BICRAL: variants seen among roughly 807,000 people sequenced by gnomAD.
BICRAL encodes BICRA like chromatin remodeling complex associated protein.
A neutral mutation model predicts 91.8 loss-of-function variants in BICRAL; 8 were observed. The ratio of observed to expected loss-of-function variants is 0.09; its 90% CI spans 0.05 to 0.16. BICRAL has a LOEUF of 0.16. BICRAL is among the 10% of genes least tolerant of loss of function. The pLI is 1.00. For missense variants in BICRAL, 1,038 were observed against 1,310.9 expected, an observed-to-expected ratio of 0.79 and a Z score of 3.21; for synonymous variants, 445 against 491.1, an observed-to-expected ratio of 0.91 and a Z score of 1.24.
chr6:42,749,176 A>G (rs1426208562), intron 1 of BICRAL, among the ~76,000 whole-genome samples: 1 of 152,164 alleles, frequency 6.6e-6, no homozygotes, highest in Non-Finnish European at 1.5e-5. Flanking sequence ...ACTTTTTGAA[A>G]ATTTCCAACA....
chr6:42,782,361 T>TGG (rs1762938771), intron 1 of BICRAL, among the ~76,000 whole-genome samples: 7 of 23,074 alleles, frequency 3.0e-4, no homozygotes, highest in Admixed American at 1.7e-3. Flanking sequence ...GGTGGGTTTG[T>TGG]GGGTGGGTGA....
chr6:42,819,971 G>A (rs1764096387), intron 2 of BICRAL, among the ~76,000 whole-genome samples: 1 of 152,162 alleles, frequency 6.6e-6, no homozygotes, highest in Admixed American at 6.6e-5. Context: ...TGGTAGAGAA[G>A]GTTGCACAAT....
chr6:42,787,320 AATACTT>A (rs1171340605), intron 1 of BICRAL, among the ~76,000 whole-genome samples: 1 of 152,100 alleles, frequency 6.6e-6, no homozygotes, highest in Admixed American at 6.6e-5. Flanking sequence ...GTTCTGTGTA[AATACTT>A]GGGAGGCATC....
At chr6:42,786,043 ACAGGT>A (rs1374197190) in intron 1 of BICRAL, among the ~76,000 whole-genome samples, 6 of 132,744 alleles carry the variant, frequency 4.5e-5, no homozygotes, top group South Asian at 2.4e-4. Context: ...GACAAAAAAC[ACAGGT>A]CAGGAAGAAG....
intron 10 of BICRAL, among the ~76,000 whole-genome samples, chr6:42,857,640 TTA>T (rs201775180): frequency 9.2e-4 from 125 of 136,490 alleles, no homozygotes; most frequent in African/African-American, 3.5e-3. Flanking sequence ...TATATATTTT[TTA>T]GGAGGGTACC....
intron 5 of BICRAL, 144 bp from the exon 6 acceptor site, chr6:42,828,349 C>T (rs1303715302): frequency 4.6e-6 from 3 of 658,018 alleles, no homozygotes; most frequent in Admixed American, 6.4e-5. Context: ...TGCAGTGAGC[C>T]GAGATCACGC....
intron 1 of BICRAL, among the ~76,000 whole-genome samples, chr6:42,791,189 G>A (rs1763262999): frequency 6.6e-6 from 1 of 150,798 alleles, no homozygotes; most frequent in Admixed American, 6.6e-5. Context: ...CTCCCACTCA[G>A]GAAAAGATCC....
chr6:42,755,952 G>C (rs1279077529), intron 1 of BICRAL, among the ~76,000 whole-genome samples: 1 of 151,994 alleles, frequency 6.6e-6, no homozygotes, highest in Non-Finnish European at 1.5e-5. Context: ...AGGATTACAG[G>C]CGTGAGCCAC....
intron 1 of BICRAL, among the ~76,000 whole-genome samples, chr6:42,748,125 T>C (rs1423146226): frequency 8.9e-4 from 134 of 149,988 alleles, no homozygotes; most frequent in African/African-American, 2.0e-3. Flanking sequence ...TTTTTTTTTT[T>C]CCAGAAAAGC....
At chr6:42,844,159 A>G (rs1764905036) in intron 6 of BICRAL, among the ~76,000 whole-genome samples, 1 of 150,880 alleles carries the variant, frequency 6.6e-6, no homozygotes, top group African/African-American at 2.4e-5. Flanking sequence ...AGGAGAGCAT[A>G]TAGATAGAGT....
intron 4 of BICRAL, 32 bp from the exon 5 acceptor site, chr6:42,822,903 A>C (rs1170402991): frequency 6.5e-7 from 1 of 1,539,558 alleles, no homozygotes. Context: ...CAGTTAAAGT[A>C]GTAACCACCT....
upstream of BICRAL, among the ~76,000 whole-genome samples, chr6:42,779,708 G>A (rs2113854649): frequency 6.6e-6 from 1 of 152,280 alleles, no homozygotes; most frequent in East Asian, 1.9e-4. Flanking sequence ...TTGCTCTGTT[G>A]CTCAATCTCA....
Position 42,864,774 on chromosome 6 carries a change from A to G in BICRAL, c.2568A>G (p.Pro856=). 1 of 1,614,228 alleles carries G rather than the reference A, an allele frequency of 6.2e-7. No homozygotes were observed. Among genetic ancestry groups the G allele is most frequent in the South Asian group, 1.1e-5 (1 of 91,086 alleles). Residue 856 remains proline, a synonymous_variant, in exon 13 of 13, where the codon CCA becomes CCG. Coordinates refer to ENST00000314073, the MANE Select transcript of BICRAL (RefSeq NM_001393499.1). ...AAGCAAGCAGCTCTCTGCAACCGCC[A>G]GCCAAGGCCCAAGGCAGAGACCGAG... ...GSKASSSLQP[P]AKAQGRDRAK... is the part of the protein sequence containing the mutation.
At position 42,860,248 on chromosome 6, in the gene BICRAL, C is replaced by T. The variant is rs771667739; in HGVS notation, c.2255-14C>T. The T allele has an allele frequency of 6.7e-7, 1 of 1,485,976 alleles. No homozygotes were observed. Among genetic ancestry groups the T allele is most frequent in the Non-Finnish European group, 9.4e-7 (1 of 1,064,938 alleles). The allele number at this position is 1,485,976 out of a possible 1,614,324, so 92.0% of individuals were successfully genotyped here. On this transcript the variant is annotated splice_polypyrimidine_tract_variant and intron_variant, in intron 10 of 12. Transcript: ENST00000314073. ...ACAGTCTCTCACTATTTCTTTGTCT[C>T]TCTCTTTTTAAAGTGGACAATGAAT...
chr6:42,805,718 C>G (rs542276785), intron 1 of BICRAL, among the ~76,000 whole-genome samples: 2 of 151,926 alleles, frequency 1.3e-5, no homozygotes, highest in Non-Finnish European at 2.9e-5. Flanking sequence ...GGACAAGGAA[C>G]GGGCCAGGTG....
intron 5 of BICRAL, among the ~76,000 whole-genome samples, chr6:42,826,063 GAC>G (rs542876140): frequency 3.1e-3 from 458 of 146,544 alleles, no homozygotes; most frequent in African/African-American, 0.01. Flanking sequence ...CAGCATGGGT[GAC>G]ACAGTGAGAC....
intron 1 of BICRAL, among the ~76,000 whole-genome samples, chr6:42,774,373 G>A (rs931472772): frequency 2.0e-5 from 3 of 152,166 alleles, no homozygotes; most frequent in African/African-American, 7.2e-5. Flanking sequence ...AGACTAGAGA[G>A]GAAGAGCAAA....
chr6:42,771,675 G>C (rs534321647), intron 1 of BICRAL, among the ~76,000 whole-genome samples: 1 of 152,190 alleles, frequency 6.6e-6, no homozygotes, highest in Non-Finnish European at 1.5e-5. Context: ...TTTTGAGGGA[G>C]AGAATAATTA....
At chr6:42,756,462 A>G (rs778654369) in intron 1 of BICRAL, among the ~76,000 whole-genome samples, 1 of 151,944 alleles carries the variant, frequency 6.6e-6, no homozygotes, top group Non-Finnish European at 1.5e-5. Context: ...CAGGGTGCCA[A>G]GTCCTGTTCA....
Sources: allele counts gnomAD v4.1 joint callset (sites outside exome capture counted in the v4.1 genomes callset), GRCh38; gene constraint gnomAD v4.1.1; transcripts MANE v1.5; gene names NCBI Gene and HGNC (gene_info 2026-07-23, HGNC 2026-07-21).